Variants in NLRP13 observed in about 807,000 individuals in gnomAD.
NLRP13 encodes the protein NACHT, LRR and PYD domains-containing protein 13.
NLRP13 carries 82 observed loss-of-function variants against 94.4 expected under a neutral mutation model. The observed-to-expected ratio is 0.87, with a 90% confidence interval of 0.73 to 1.04. The LOEUF is 1.04. NLRP13 is among the 50% of genes least tolerant of loss of function. The probability of loss-of-function intolerance (pLI) is 0.00; values close to 1 mark genes in which losing one functional copy is unlikely to be tolerated. For missense variants in NLRP13, 1,426 were observed against 1,230.8 expected (o/e 1.16, Z -2.37); for synonymous variants, 553 against 464.7 (o/e 1.19, Z -2.45).
intron 7 of NLRP13, 43 bp from the exon 8 acceptor site, chr19:55,905,155 C>G (rs1204976644): frequency 2.5e-6 from 4 of 1,605,332 alleles, no homozygotes; most frequent in Non-Finnish European, 1.7e-6. Flanking sequence ...GCCATGATGC[C>G]CAGGTTCCTC....
chr19:55,924,452 A>G (rs1986918801), intron 3 of NLRP13, 138 bp downstream of exon 3: 3 of 655,490 alleles, frequency 4.6e-6, no homozygotes, highest in Non-Finnish European at 8.2e-6. Context: ...GAAATACTGG[A>G]AGAACTAGAT....
chr19:55,916,646 T>G (rs974545221), intron 4 of NLRP13, among the ~76,000 whole-genome samples: 2 of 152,202 alleles, frequency 1.3e-5, no homozygotes, highest in Non-Finnish European at 1.5e-5. Flanking sequence ...GAAGGTCTTT[T>G]GAATTAATTT....
chr19:55,906,415 T>C (rs1701387410), intron 7 of NLRP13, among the ~76,000 whole-genome samples: 2 of 149,442 alleles, frequency 1.3e-5, no homozygotes, highest in African/African-American at 4.9e-5. Flanking sequence ...AGTATGTCAA[T>C]GTGATAAGTA....
intron 4 of NLRP13, among the ~76,000 whole-genome samples, chr19:55,920,749 T>G (rs1790929488): frequency 1.3e-5 from 2 of 151,980 alleles, no homozygotes; most frequent in Admixed American, 6.6e-5. Flanking sequence ...GTATCACTAT[T>G]GGGTATCTAT....
chr19:55,924,753 G>T, intron 2 of NLRP13, 95 bp from the exon 3 acceptor site: 1 of 1,090,278 alleles, frequency 9.2e-7, no homozygotes, highest in Non-Finnish European at 1.4e-6. Context: ...CTTTTTCTAT[G>T]GCAAACGGGA....
intron 8 of NLRP13, 81 bp from the exon 9 acceptor site, chr19:55,902,286 C>CGGGA: frequency 8.7e-7 from 1 of 1,154,446 alleles, no homozygotes; most frequent in Non-Finnish European, 1.2e-6. Context: ...TCAGGGCCCC[C>CGGGA]TCCGAGCCTA....
rs9304769 is a variant in NLRP13 at position 55,930,686 on chromosome 19, C to CAAAAAAAAA, written c.319+1298_319+1306dup. ...GGGTGACAAGAAGGAAACTCCATCTCAAAAAAAAAAAAAAAAAAAAAGAGT... is the reference window on the plus strand; with the variant it reads ...GGGTGACAAGAAGGAAACTCCATCTCAAAAAAAAAAAAAAAAAAAAAAAAAAAAAAGAGT... On this transcript the variant is annotated intron_variant, in intron 1 of 10. Coordinates refer to ENST00000342929, the MANE Select transcript of NLRP13 (RefSeq NM_176810.2). Among the ~76,000 whole-genome samples, 2 of 94,206 alleles carry CAAAAAAAAA rather than the reference C, an allele frequency of 2.1e-5. 1 individual carries two copies. 61.8% of individuals were successfully genotyped at this position (94,206 alleles called of 152,430 possible).
At chr19:55,924,125 TTTTA>T in intron 3 of NLRP13, 146 bp from the exon 4 acceptor site, 1 of 644,006 alleles carries the variant, frequency 1.6e-6, no homozygotes, top group Non-Finnish European at 2.7e-6. Flanking sequence ...AGTTTATATT[TTTTA>T]TTTATTTTTA....
At chr19:55,902,292 G>T in intron 8 of NLRP13, 87 bp from the exon 9 acceptor site, 3 of 994,076 alleles carry the variant, frequency 3.0e-6, no homozygotes, top group African/African-American at 2.2e-5. Flanking sequence ...CCCCCTCCGA[G>T]CCTACACATG....
intron 4 of NLRP13, among the ~76,000 whole-genome samples, chr19:55,918,924 G>A (rs1012828806): frequency 2.0e-5 from 3 of 151,806 alleles, no homozygotes; most frequent in Non-Finnish European, 4.4e-5. Context: ...GACACAAAAA[G>A]ACAACTGCAG....
At chr19:55,908,095 T>A (rs1986405579) in intron 6 of NLRP13, 139 bp from the exon 7 acceptor site, 1 of 726,260 alleles carries the variant, frequency 1.4e-6, no homozygotes, top group African/African-American at 1.8e-5. Context: ...AAACAAGGGC[T>A]GAGCCATGGT....
chr19:55,903,708 G>T (rs34857384), intron 8 of NLRP13, among the ~76,000 whole-genome samples: 37,671 of 151,706 alleles, frequency 0.25, 4,813 homozygotes, highest in African/African-American at 0.29. Flanking sequence ...CTCACCCTCT[G>T]GGAGGTGTTC....
chr19:55,896,845 A>T (rs1246104027), intron 10 of NLRP13, among the ~76,000 whole-genome samples: 1 of 142,604 alleles, frequency 7.0e-6, no homozygotes, highest in East Asian at 2.0e-4. Flanking sequence ...AAAAAAAAAA[A>T]TGGAAAAGAG....
chr19:55,905,185 C>T (rs1025120359), intron 7 of NLRP13, 73 bp from the exon 8 acceptor site: 10 of 1,512,336 alleles, frequency 6.6e-6, no homozygotes, highest in East Asian at 2.3e-5. Flanking sequence ...CTCTCAACCC[C>T]TTAACCCCCG....
chr19:55,912,779 G>C lies in NLRP13; in HGVS notation c.1038C>G (p.His346Gln). The C allele has an allele frequency of 6.2e-7, 1 of 1,614,184 alleles. No individual in the cohort carries two copies. Among genetic ancestry groups the C allele is most frequent in the Non-Finnish European group, 8.5e-7 (1 of 1,180,024 alleles). Residue 346 changes from histidine (H) to glutamine (Q), a missense_variant, in exon 5 of 11, where the codon CAC becomes CAG. Coordinates refer to ENST00000342929, the MANE Select transcript of NLRP13 (RefSeq NM_176810.2). ...YQELPVTKIL[H>Q]SLLKKELVPL... Reference sequence around the variant, plus strand: ...GAACCAATTCTTTCTTCAACAAGCTGTGTAGGATTTTGGTCACTGGGAGCT... The same window carrying C: ...GAACCAATTCTTTCTTCAACAAGCTCTGTAGGATTTTGGTCACTGGGAGCT...
chr19:55,913,345 G>C, intron 4 of NLRP13, 52 bp from the exon 5 acceptor site: 1 of 1,544,328 alleles, frequency 6.5e-7, no homozygotes, highest in Non-Finnish European at 8.7e-7. Context: ...TTCAGAGTTA[G>C]GAATGATTCA....
chr19:55,913,740 A>G (rs1201139407), intron 4 of NLRP13, among the ~76,000 whole-genome samples: 1 of 151,918 alleles, frequency 6.6e-6, no homozygotes, highest in Non-Finnish European at 1.5e-5. Context: ...AATCATCAGA[A>G]GAGAAGTCAG....
At chr19:55,921,146 G>C (rs1986814776) in intron 4 of NLRP13, among the ~76,000 whole-genome samples, 1 of 152,166 alleles carries the variant, frequency 6.6e-6, no homozygotes, top group African/African-American at 2.4e-5. Context: ...TGAGGGACGA[G>C]AAATTCCTTT....
chr19:55,897,140 GC>G (rs1568685432), intron 10 of NLRP13, among the ~76,000 whole-genome samples: 1 of 152,082 alleles, frequency 6.6e-6, no homozygotes, highest in East Asian at 1.9e-4. Flanking sequence ...GGGTTGGCTA[GC>G]TACTAGAAAC....
Sources: allele counts gnomAD v4.1 joint callset (sites outside exome capture counted in the v4.1 genomes callset), GRCh38; gene constraint gnomAD v4.1.1; transcripts MANE v1.5; gene names NCBI Gene and HGNC (gene_info 2026-07-23, HGNC 2026-07-21).